The following NFIB variants were observed in gnomAD, a reference collection of about 807,000 sequenced individuals.
NFIB encodes the protein nuclear factor 1 B-type.
In NFIB, 11 loss-of-function variants were observed where a neutral mutation model predicts 61.5. That is an observed-to-expected ratio of 0.18 (90% CI 0.11 to 0.30). The LOEUF (loss-of-function observed/expected upper bound fraction) is 0.30. Ranked by LOEUF, NFIB falls within the 10% of genes least tolerant of loss-of-function variation. NFIB has a pLI of 1.00. For missense variants in NFIB, 471 were observed against 608.9 expected (o/e 0.77, Z 2.38); for synonymous variants, 260 against 216.5 (o/e 1.20, Z -1.76).
chr9:14,303,195 A>C (rs1457296588), intron 2 of NFIB, among the ~76,000 whole-genome samples: 1 of 152,200 alleles, frequency 6.6e-6, no homozygotes. Context: ...GTGGCAAGTG[A>C]GGGAACTAGA....
chr9:14,360,466 C>G (rs1034701271), intron 1 of NFIB, among the ~76,000 whole-genome samples: 5 of 151,962 alleles, frequency 3.3e-5, no homozygotes, highest in African/African-American at 1.2e-4. Context: ...TTAACTACAT[C>G]CACAAATTAT....
At chr9:14,107,745 C>T (rs1262644995) in intron 10 of NFIB, among the ~76,000 whole-genome samples, 2 of 152,098 alleles carry the variant, frequency 1.3e-5, no homozygotes, top group Non-Finnish European at 2.9e-5. Context: ...TCCTTTCCTA[C>T]CCTGTCCCTT....
At chr9:14,487,187 G>T in the NFIB span, among the ~76,000 whole-genome samples, 19 of 152,100 alleles carry the variant, frequency 1.2e-4, no homozygotes, top group Non-Finnish European at 2.6e-4. Context: ...AGGTTTGAGC[G>T]CACACGAAAA....
intron 2 of NFIB, among the ~76,000 whole-genome samples, chr9:14,229,456 G>C (rs954446825): frequency 1.3e-5 from 2 of 152,148 alleles, no homozygotes; most frequent in African/African-American, 4.8e-5. Context: ...CAGAGTGTCA[G>C]CTTTACATGT....
At chr9:14,305,503 A>T (rs1294244513) in intron 2 of NFIB, among the ~76,000 whole-genome samples, 5 of 152,218 alleles carry the variant, frequency 3.3e-5, no homozygotes, top group African/African-American at 1.2e-4. Context: ...CACATGGGAC[A>T]AAAATATTAT....
At chr9:14,089,131 G>T (rs1371917050) in intron 10 of NFIB, among the ~76,000 whole-genome samples, 1 of 152,048 alleles carries the variant, frequency 6.6e-6, no homozygotes, top group African/African-American at 2.4e-5. Flanking sequence ...TTTAGAGAGA[G>T]CCACAGCTTT....
At chr9:14,340,498 G>A (rs774665450) in intron 1 of NFIB, among the ~76,000 whole-genome samples, 1 of 152,228 alleles carries the variant, frequency 6.6e-6, no homozygotes, top group African/African-American at 2.4e-5. Flanking sequence ...CTCCCCAGAT[G>A]ATTCTAATGT....
At chr9:14,260,564 C>T (rs767149747) in intron 2 of NFIB, among the ~76,000 whole-genome samples, 10 of 152,184 alleles carry the variant, frequency 6.6e-5, no homozygotes, top group Admixed American at 3.9e-4. Flanking sequence ...CCCTCCTCTA[C>T]GGTTTTGATT....
At chr9:14,217,660 CAAAAAAA>C (rs34055171) in intron 2 of NFIB, among the ~76,000 whole-genome samples, 18 of 81,520 alleles carry the variant, frequency 2.2e-4, no homozygotes, top group African/African-American at 4.5e-4. Flanking sequence ...AACTCCATCT[CAAAAAAA>C]AAAAAAAAAA....
intron 2 of NFIB, among the ~76,000 whole-genome samples, chr9:14,303,146 C>T (rs932797339): frequency 6.6e-6 from 1 of 152,156 alleles, no homozygotes; most frequent in African/African-American, 2.4e-5. Flanking sequence ...GAGAGGAAAA[C>T]TGAAGTCCTC....
At chr9:14,302,407 T>C (rs2059796793) in intron 2 of NFIB, among the ~76,000 whole-genome samples, 1 of 152,142 alleles carries the variant, frequency 6.6e-6, no homozygotes, top group Admixed American at 6.5e-5. Context: ...AACTTCAAAA[T>C]GTACTTCAAT....
chr9:14,350,980 C>G (rs1245841281), intron 1 of NFIB, among the ~76,000 whole-genome samples: 1 of 152,194 alleles, frequency 6.6e-6, no homozygotes, highest in African/African-American at 2.4e-5. Flanking sequence ...CTCCTATCCC[C>G]CAAAGGCCAA....
chr9:14,133,719 T>C (rs888134204), intron 6 of NFIB, among the ~76,000 whole-genome samples: 1 of 152,164 alleles, frequency 6.6e-6, no homozygotes, highest in Non-Finnish European at 1.5e-5. Flanking sequence ...TATAAGTGTA[T>C]GAGTGTTATG....
chr9:14,345,379 A>G (rs975294630), intron 1 of NFIB, among the ~76,000 whole-genome samples: 4 of 152,196 alleles, frequency 2.6e-5, no homozygotes, highest in Non-Finnish European at 5.9e-5. Context: ...ACCTTGCCCT[A>G]GAACACAGCC....
chr9:14,498,825 TCCTCC>T, the NFIB span, among the ~76,000 whole-genome samples: 1 of 80,622 alleles, frequency 1.2e-5, no homozygotes, highest in Non-Finnish European at 2.3e-5. Context: ...CTTCCTCCCT[TCCTCC>T]CTTCCTTCCT....
chr9:14,409,117 T>C, the NFIB span, among the ~76,000 whole-genome samples: 3 of 152,224 alleles, frequency 2.0e-5, no homozygotes, highest in African/African-American at 7.2e-5. Context: ...TTGACATGCA[T>C]GCTGTAAACA....
intron 2 of NFIB, among the ~76,000 whole-genome samples, chr9:14,183,027 T>C (rs566151167): frequency 1.3e-5 from 2 of 152,214 alleles, no homozygotes; most frequent in East Asian, 1.9e-4. Flanking sequence ...TTTAAACATA[T>C]TAAAATGAAA....
At chr9:14,166,786 T>A (rs1353191735) in intron 3 of NFIB, among the ~76,000 whole-genome samples, 1 of 152,202 alleles carries the variant, frequency 6.6e-6, no homozygotes, top group Non-Finnish European at 1.5e-5. Context: ...GTCCTCTATA[T>A]CAATGCTTTT....
chr9:14,419,712 T>C, the NFIB span, among the ~76,000 whole-genome samples: 1 of 152,196 alleles, frequency 6.6e-6, no homozygotes, highest in East Asian at 1.9e-4. Flanking sequence ...TTTCTTTTTC[T>C]GGAGGTATCC....
Sources: allele counts gnomAD v4.1 joint callset (sites outside exome capture counted in the v4.1 genomes callset), GRCh38; gene constraint gnomAD v4.1.1; transcripts MANE v1.5; gene names NCBI Gene and HGNC (gene_info 2026-07-23, HGNC 2026-07-21).